DAW1: variants seen among roughly 807,000 people sequenced by gnomAD.
The protein encoded by DAW1 is dynein assembly factor with WD repeats 1.
In DAW1, 47 loss-of-function variants were observed where a neutral mutation model predicts 56.5. The ratio of observed to expected loss-of-function variants is 0.83; its 90% CI spans 0.66 to 1.06. DAW1 has a LOEUF of 1.06. DAW1 is among the 50% of genes least tolerant of loss of function. The pLI is 0.00. For missense variants in DAW1, 505 were observed against 499.3 expected, an observed-to-expected ratio of 1.01 and a Z score of -0.11; for synonymous variants, 190 against 179.0, an observed-to-expected ratio of 1.06 and a Z score of -0.49.
intron 1 of DAW1, among the ~76,000 whole-genome samples, chr2:227,881,031 G>A (rs1413204275): frequency 6.6e-6 from 1 of 152,134 alleles, no homozygotes; most frequent in East Asian, 1.9e-4. Flanking sequence ...GAGGACAAAG[G>A]AGAATAAAAA....
At chr2:227,876,502 T>A (rs1348582397) in intron 1 of DAW1, 1 of 1,302,046 alleles carries the variant, frequency 7.7e-7, no homozygotes, top group Non-Finnish European at 1.0e-6. Flanking sequence ...CAGGTGGGTG[T>A]TTCAATAATA....
At chr2:227,923,846 A>G in intron 12 of DAW1, 88 bp from the exon 13 acceptor site, 1 of 1,518,980 alleles carries the variant, frequency 6.6e-7, no homozygotes, top group African/African-American at 1.4e-5. Flanking sequence ...TTAATTACCA[A>G]TGGCCCAGAA....
chr2:227,896,324 G>A (rs941552325), intron 5 of DAW1, among the ~76,000 whole-genome samples: 1 of 152,062 alleles, frequency 6.6e-6, no homozygotes, highest in Non-Finnish European at 1.5e-5. Context: ...ATAACATAAT[G>A]CCATATCCTT....
intron 9 of DAW1, 55 bp downstream of exon 9, chr2:227,906,393 T>C: frequency 8.5e-7 from 1 of 1,178,132 alleles, no homozygotes; most frequent in African/African-American, 1.5e-5. Flanking sequence ...CTCTTTACTG[T>C]GTCAGATATC....
At chr2:227,883,343 T>A (rs1691053070) in intron 1 of DAW1, among the ~76,000 whole-genome samples, 1 of 152,262 alleles carries the variant, frequency 6.6e-6, no homozygotes, top group Non-Finnish European at 1.5e-5. Flanking sequence ...TTTCTGATAT[T>A]GTGTGATGAA....
chr2:227,916,729 T>A (rs1310764160), intron 10 of DAW1, among the ~76,000 whole-genome samples: 1 of 152,210 alleles, frequency 6.6e-6, no homozygotes, highest in Non-Finnish European at 1.5e-5. Context: ...TGATCATATG[T>A]GATGCTACAC....
rs546983719 is a variant in DAW1, at chr2:227,912,400, G to A, written c.973+5148G>A. 31 of 1,304,792 alleles carry A rather than the reference G, an allele frequency of 2.4e-5. No individual in the cohort carries two copies. The South Asian group carries it at 3.6e-4, about 15-fold the overall frequency. The allele number at this position is 1,304,792 out of a possible 1,614,324, so 80.8% of individuals were successfully genotyped here. The stretch of plus-strand genomic sequence containing the variant: ...TGGTAATCATGTTTGATGTTATCCG[G>A]TGTGTTCATCTCTTTGATCACTGGA... On this transcript the variant is annotated intron_variant, in intron 10 of 12. Transcript: ENST00000309931.
intron 2 of DAW1, among the ~76,000 whole-genome samples, chr2:227,885,784 A>G (rs751449563): frequency 6.6e-6 from 1 of 152,192 alleles, no homozygotes; most frequent in Admixed American, 6.5e-5. Flanking sequence ...AGTATGATAC[A>G]TAATTATTAG....
chr2:227,874,822 G>A (rs985830148), intron 1 of DAW1, among the ~76,000 whole-genome samples: 4 of 152,082 alleles, frequency 2.6e-5, no homozygotes, highest in Non-Finnish European at 4.4e-5. Context: ...AATTAGCCAG[G>A]TGTGGTGGTG....
At chr2:227,882,123 T>C (rs1691025943) in intron 1 of DAW1, among the ~76,000 whole-genome samples, 1 of 152,220 alleles carries the variant, frequency 6.6e-6, no homozygotes, top group Non-Finnish European at 1.5e-5. Flanking sequence ...CATTTCCTAT[T>C]TTCCCTTGAT....
intron 4 of DAW1, among the ~76,000 whole-genome samples, chr2:227,893,284 G>A (rs368350587): frequency 1.3e-5 from 2 of 150,320 alleles, no homozygotes; most frequent in African/African-American, 2.5e-5. Context: ...GTGGGGTGGG[G>A]GTTGGGGGAG....
At chr2:227,920,300 TAG>T (rs527610784) in intron 11 of DAW1, among the ~76,000 whole-genome samples, 127 of 152,286 alleles carry the variant, frequency 8.3e-4, no homozygotes, top group Non-Finnish European at 1.3e-3. Flanking sequence ...CAAACACTTT[TAG>T]AGAGTGTCCA....
chr2:227,882,991 A>G (rs937502993), intron 1 of DAW1, among the ~76,000 whole-genome samples: 1 of 152,208 alleles, frequency 6.6e-6, no homozygotes, highest in Admixed American at 6.5e-5. Flanking sequence ...CAATATAAAA[A>G]CAAACTAATA....
chr2:227,891,360 C>A (rs749745098), intron 4 of DAW1, 47 bp downstream of exon 4: 1 of 1,512,672 alleles, frequency 6.6e-7, no homozygotes, highest in Admixed American at 1.7e-5. Flanking sequence ...AAACAAATTT[C>A]TGTGTTTATT....
chr2:227,903,594 G>T (rs549344960), intron 7 of DAW1, among the ~76,000 whole-genome samples: 1 of 152,128 alleles, frequency 6.6e-6, no homozygotes, highest in East Asian at 1.9e-4. Context: ...GCATGCTCTT[G>T]TGTGTCACCA....
intron 1 of DAW1, 116 bp downstream of exon 1, chr2:227,871,845 C>A: frequency 2.1e-6 from 3 of 1,423,680 alleles, no homozygotes; most frequent in Non-Finnish European, 2.9e-6. Flanking sequence ...CCAGGTGGGG[C>A]AGGAAGTCGG....
At position 227,903,026 on chromosome 2, in the gene DAW1, A is replaced by G. The variant is rs1691583531; in HGVS notation, c.565A>G (p.Ser189Gly). Residue 189 changes from serine to glycine, a missense_variant, in exon 7 of 13, where the codon AGC becomes GGC. By Grantham distance (56) the Ser-to-Gly change is moderately conservative. Coordinates refer to ENST00000309931, the MANE Select transcript of DAW1 (RefSeq NM_178821.3). ...EIVCLSFNPQ[S>G]TLVATGSMDT... ...GGTGTGTTTATCATTTAACCCTCAA[A>G]GCACATTGGTGGCGACTGGAAGTAT... The G allele has an allele frequency of 6.2e-7, 1 of 1,614,150 alleles. No homozygotes were observed. Among genetic ancestry groups the G allele is most frequent in the Non-Finnish European group, 8.5e-7 (1 of 1,180,026 alleles).
intron 12 of DAW1, among the ~76,000 whole-genome samples, chr2:227,921,918 T>TGCTTTGAG (rs1205643347): frequency 6.6e-6 from 1 of 152,210 alleles, no homozygotes; most frequent in East Asian, 1.9e-4. Flanking sequence ...ACAATCTCAG[T>TGCTTTGAG]GCTTTGAGAG....
rs376951846 is a variant in DAW1, at chr2:227,889,877, A to G, written c.135A>G (p.Val45=). The G allele has an allele frequency of 2.5e-6, 4 of 1,602,010 alleles. No homozygotes were observed. In the African/African-American group the frequency reaches 4.0e-5, roughly 16 times the overall value. Residue 45 remains valine, a synonymous_variant, in exon 3 of 13, where the codon GTA becomes GTG. Transcript: ENST00000309931. The part of the protein sequence containing the change: ...LGPSTDVSAL[V]EEIQKAEPLL... Reference sequence around the variant, plus strand: ...TCAGCACTGATGTCAGTGCGTTAGTAGAAGAAATCCAGAAGGCAGAACCTC... The same window carrying G: ...TCAGCACTGATGTCAGTGCGTTAGTGGAAGAAATCCAGAAGGCAGAACCTC...
Sources: gnomAD v4.1 joint callset for allele counts (sites outside exome capture counted in the v4.1 genomes callset) on GRCh38, gnomAD v4.1.1 for gene constraint, MANE v1.5 for transcripts, NCBI Gene and HGNC (gene_info 2026-07-23, HGNC 2026-07-21) for gene names.